Variants in CDH12 observed in about 807,000 individuals in gnomAD.
CDH12 encodes the protein cadherin-12.
In CDH12, 41 loss-of-function variants were observed where a neutral mutation model predicts 74.1. The ratio of observed to expected loss-of-function variants is 0.55; its 90% CI spans 0.43 to 0.72. The LOEUF (loss-of-function observed/expected upper bound fraction) is 0.72. Ranked by LOEUF, CDH12 falls within the 30% of genes least tolerant of loss-of-function variation. The pLI, the probability that CDH12 is intolerant of heterozygous loss-of-function variation, is 0.00. For missense variants in CDH12, 945 were observed against 977.2 expected (o/e 0.97, Z 0.44); for synonymous variants, 399 against 355.0 (o/e 1.12, Z -1.39).
intron 4 of CDH12, among the ~76,000 whole-genome samples, chr5:22,192,906 G>T (rs992413709): frequency 6.6e-6 from 1 of 152,204 alleles, no homozygotes; most frequent in African/African-American, 2.4e-5. Context: ...TGCTATACTT[G>T]CCTGCATAGG....
At chr5:22,502,530 T>G (rs1404879362) in intron 2 of CDH12, among the ~76,000 whole-genome samples, 1 of 152,158 alleles carries the variant, frequency 6.6e-6, no homozygotes, top group Non-Finnish European at 1.5e-5. Context: ...AATAATTATT[T>G]AATTTCCTAA....
intron 1 of CDH12, among the ~76,000 whole-genome samples, chr5:22,575,148 G>A (rs1739721809): frequency 6.6e-6 from 1 of 152,130 alleles, no homozygotes; most frequent in South Asian, 2.1e-4. Context: ...TGCAAGGAGG[G>A]AGAAATAGAT....
intron 5 of CDH12, among the ~76,000 whole-genome samples, chr5:22,015,090 A>T (rs375310363): frequency 3.9e-5 from 6 of 152,172 alleles, no homozygotes; most frequent in African/African-American, 1.4e-4. Context: ...TGAAACAGGG[A>T]CAAACTGAGT....
intron 3 of CDH12, among the ~76,000 whole-genome samples, chr5:22,369,541 T>G (rs13185375): frequency 0.27 from 41,296 of 151,992 alleles, 5,665 homozygotes; most frequent in East Asian, 0.34. Flanking sequence ...AGATTTCACA[T>G]TTTAAAGAAG....
chr5:22,543,352 T>C (rs1024489777), intron 1 of CDH12, among the ~76,000 whole-genome samples: 1 of 152,170 alleles, frequency 6.6e-6, no homozygotes, highest in African/African-American at 2.4e-5. Flanking sequence ...TATTGAATGC[T>C]GTAATAGGAA....
At chr5:21,799,700 G>A (rs1747005497) in intron 10 of CDH12, among the ~76,000 whole-genome samples, 1 of 152,096 alleles carries the variant, frequency 6.6e-6, no homozygotes, top group Non-Finnish European at 1.5e-5. Context: ...TCTCCAAATC[G>A]AGGGAAGAAT....
chr5:22,709,569 G>A (rs1021972836), intron 1 of CDH12, among the ~76,000 whole-genome samples: 9 of 152,240 alleles, frequency 5.9e-5, no homozygotes, highest in South Asian at 4.1e-4. Flanking sequence ...TTCTTCTGTT[G>A]TATACATGGG....
At chr5:22,019,482 T>C (rs560118009) in intron 5 of CDH12, among the ~76,000 whole-genome samples, 3 of 152,148 alleles carry the variant, frequency 2.0e-5, no homozygotes, top group Non-Finnish European at 2.9e-5. Flanking sequence ...GAGAAGGTGA[T>C]TAGGTTTAGA....
chr5:22,762,788 T>C (rs572235551), intron 1 of CDH12, among the ~76,000 whole-genome samples: 1 of 152,164 alleles, frequency 6.6e-6, no homozygotes, highest in South Asian at 2.1e-4. Flanking sequence ...TGTCTTGTAT[T>C]AGGACCATGG....
At chr5:22,387,003 C>T (rs1030374490) in intron 3 of CDH12, among the ~76,000 whole-genome samples, 19 of 151,754 alleles carry the variant, frequency 1.3e-4, no homozygotes, top group East Asian at 3.9e-4. Flanking sequence ...TGAGTCAATA[C>T]GAATAGAATC....
At chr5:21,795,154 C>T (rs1027709021) in intron 10 of CDH12, among the ~76,000 whole-genome samples, 1 of 151,470 alleles carries the variant, frequency 6.6e-6, no homozygotes, top group Admixed American at 6.6e-5. Context: ...CATCTGACAA[C>T]AAGTTCATGA....
chr5:21,761,742 T>TAGATAGATAG (rs1554027352), intron 12 of CDH12, among the ~76,000 whole-genome samples: 20 of 147,346 alleles, frequency 1.4e-4, no homozygotes, highest in African/African-American at 4.8e-4. Context: ...GATGGATAGA[T>TAGATAGATAG]ATAGATAGAT....
At chr5:22,334,585 C>T (rs187834201) in intron 3 of CDH12, among the ~76,000 whole-genome samples, 9 of 152,212 alleles carry the variant, frequency 5.9e-5, no homozygotes, top group East Asian at 5.8e-4. Flanking sequence ...GGAGGAATCA[C>T]GTTACCTGAC....
chr5:22,081,539 T>C (rs144228557), intron 4 of CDH12, among the ~76,000 whole-genome samples: 52 of 152,332 alleles, frequency 3.4e-4, no homozygotes, highest in African/African-American at 1.2e-3. Context: ...AAATCTATTC[T>C]AGAATATGCC....
At chr5:22,706,012 C>A (rs1742989768) in intron 1 of CDH12, among the ~76,000 whole-genome samples, 1 of 151,964 alleles carries the variant, frequency 6.6e-6, no homozygotes, top group Non-Finnish European at 1.5e-5. Flanking sequence ...TTATTTATGT[C>A]ATTTAATTTT....
At chr5:22,298,696 G>T (rs113914493) in intron 3 of CDH12, among the ~76,000 whole-genome samples, 35 of 152,142 alleles carry the variant, frequency 2.3e-4, no homozygotes, top group African/African-American at 7.0e-4. Flanking sequence ...ACAGAGAGAT[G>T]TAAATACCTC....
chr5:22,293,676 A>T (rs907949312), intron 3 of CDH12, among the ~76,000 whole-genome samples: 1 of 152,178 alleles, frequency 6.6e-6, no homozygotes, highest in African/African-American at 2.4e-5. Flanking sequence ...AAAGAAAAGA[A>T]TTCTGTCATT....
In CDH12 at chr5:21,842,223, C is replaced by G; in HGVS notation, c.752G>C (p.Gly251Ala). ...DMGGQLGGLAGTTIVNITLTD... is the reference protein window; with the variant it reads ...DMGGQLGGLAATTIVNITLTD... Reference sequence around the variant, plus strand: ...GAGAGTGATGTTGACTATTGTTGTTCCGGCTAATCCTCCAAGCTGTCCTCC... The same window carrying G: ...GAGAGTGATGTTGACTATTGTTGTTGCGGCTAATCCTCCAAGCTGTCCTCC... Residue 251 changes from glycine to alanine, a missense_variant, in exon 8 of 15, where the codon GGA becomes GCA. This residue lies in a region of CDH12 where 791 missense variants were observed against 792.8 expected (regional missense o/e 1.00). Transcript: ENST00000382254. 6.2e-7 allele frequency: 1 copy of G among 1,613,370 alleles called. No individual in the cohort carries two copies.
intron 11 of CDH12, among the ~76,000 whole-genome samples, chr5:21,770,896 T>A (rs2149883089): frequency 6.6e-6 from 1 of 152,224 alleles, no homozygotes; most frequent in African/African-American, 2.4e-5. Context: ...AAGAATAAGA[T>A]CATGACCTTT....
Sources: gnomAD v4.1 joint callset for allele counts (sites outside exome capture counted in the v4.1 genomes callset) on GRCh38, gnomAD v4.1.1 for gene constraint, gnomAD v4.1.1 regional missense constraint, MANE v1.5 for transcripts, NCBI Gene and HGNC (gene_info 2026-07-23, HGNC 2026-07-21) for gene names.